Variants in EPB41L1 observed in about 807,000 individuals in gnomAD.
The protein encoded by EPB41L1 is band 4.1-like protein 1.
EPB41L1 carries 29 observed loss-of-function variants against 97.8 expected under a neutral mutation model. That is an observed-to-expected ratio of 0.30 (90% CI 0.22 to 0.40). The LOEUF (loss-of-function observed/expected upper bound fraction) is 0.40, where lower values mean the gene tolerates loss of function less well. Ranked by LOEUF, EPB41L1 falls within the 10% of genes least tolerant of loss-of-function variation. The pLI, the probability that EPB41L1 is intolerant of heterozygous loss-of-function variation, is 1.00. For synonymous variants in EPB41L1, 383 were observed against 459.2 expected (o/e 0.83, Z 2.12); for missense variants, 812 against 1,162.3 (o/e 0.70, Z 4.38).
intron 8 of EPB41L1, among the ~76,000 whole-genome samples, chr20:36,187,979 A>G (rs1236850295): frequency 6.6e-6 from 1 of 152,218 alleles, no homozygotes; most frequent in Non-Finnish European, 1.5e-5. Context: ...TGTTTGAGCC[A>G]CTGCTAGATT....
chr20:36,169,168 A>G (rs1364087411), intron 1 of EPB41L1, among the ~76,000 whole-genome samples: 2 of 150,916 alleles, frequency 1.3e-5, no homozygotes, highest in African/African-American at 4.9e-5. Context: ...CAGAGGTTGC[A>G]GTGAGCTGAG....
Position 36,185,148 on chromosome 20 carries a change from A to G in EPB41L1, c.598A>G (p.Ile200Val). 1 of 1,612,718 alleles carries G rather than the reference A, an allele frequency of 6.2e-7. No homozygotes were observed. The highest frequency in any genetic ancestry group is 2.2e-5 in the East Asian group (1 of 44,886). ...YYLCLQLRAD[I>V]ITGRLPCSFV... ...CCTGTGCCTGCAGCTGCGGGCAGACATCATCACGGGCCGGCTGCCATGCTC... is the reference window on the plus strand; with the variant it reads ...CCTGTGCCTGCAGCTGCGGGCAGACGTCATCACGGGCCGGCTGCCATGCTC... Residue 200 changes from isoleucine (I) to valine (V), a missense_variant, in exon 7 of 22, where the codon ATC (isoleucine) becomes GTC (valine). This residue lies in a region of EPB41L1 where 230 missense variants were observed against 445.2 expected (regional missense o/e 0.52). Coordinates refer to ENST00000338074, the MANE Select transcript of EPB41L1 (RefSeq NM_012156.2).
chr20:36,197,205 C>T (rs2062249213), intron 13 of EPB41L1, among the ~76,000 whole-genome samples: 1 of 152,050 alleles, frequency 6.6e-6, no homozygotes, highest in Admixed American at 6.5e-5. Context: ...TGCCCCTGGT[C>T]CCTAGTGTGG....
intron 14 of EPB41L1, among the ~76,000 whole-genome samples, chr20:36,199,559 G>A (rs1221647551): frequency 3.3e-5 from 5 of 152,214 alleles, no homozygotes; most frequent in Non-Finnish European, 7.3e-5. Context: ...GTGGCTTTCT[G>A]GTTTGTGAGT....
At chr20:36,144,001 C>T (rs749868996) in intron 2 of EPB41L1, among the ~76,000 whole-genome samples, 6 of 152,010 alleles carry the variant, frequency 3.9e-5, no homozygotes, top group East Asian at 3.9e-4. Flanking sequence ...TACAGGCGCA[C>T]GCCACCATCC....
chr20:36,099,451 C>T lies in EPB41L1; in HGVS notation c.-65+7839C>T, dbSNP rs183960270. ...GCGATCCCAGGAGATAATGAGAAAGCTCTTTGTAAATTGCTTAAGGGCTTG... is the reference window on the plus strand; with the variant it reads ...GCGATCCCAGGAGATAATGAGAAAGTTCTTTGTAAATTGCTTAAGGGCTTG... On this transcript the variant is annotated intron_variant, in intron 1 of 19. Transcript: ENST00000202028. 6.6e-4 allele frequency among the ~76,000 whole-genome samples: 101 copies of T among 152,304 alleles called. No individual in the cohort carries two copies. The East Asian group carries it at 0.017, about 26-fold the overall frequency.
chr20:36,193,887 G>A (rs1231680599), intron 11 of EPB41L1, among the ~76,000 whole-genome samples: 3 of 152,146 alleles, frequency 2.0e-5, no homozygotes, highest in South Asian at 4.2e-4. Context: ...GCTTTCTAAA[G>A]CAGGCACTGC....
intron 2 of EPB41L1, among the ~76,000 whole-genome samples, chr20:36,132,572 G>GGC (rs11473437): frequency 0.22 from 28,190 of 127,252 alleles, 4,396 homozygotes; most frequent in African/African-American, 0.33. Flanking sequence ...GTGGGCGGGG[G>GGC]GGGGGGGCGC....
intron 1 of EPB41L1, among the ~76,000 whole-genome samples, chr20:36,159,886 G>A (rs6058423): frequency 0.46 from 69,715 of 152,084 alleles, 21,058 homozygotes; most frequent in African/African-American, 0.87. Context: ...CAAAGCCCCA[G>A]TTTGCCCAGC....
chr20:36,149,835 T>G (rs1340454143), upstream of EPB41L1: 1 of 152,402 alleles, frequency 6.6e-6, no homozygotes, highest in African/African-American at 2.4e-5. Flanking sequence ...TTAACCCAGC[T>G]TGGCTTAGTG....
chr20:36,163,769 A>T lies in EPB41L1; in HGVS notation c.-15+8873A>T, dbSNP rs567433029. ...GCAGGGAGCTGTCGCAGAGGGGCTC[A>T]GCCACCACCAGGACCACAGAGAGAG... On this transcript the variant is annotated intron_variant, in intron 1 of 21. Coordinates refer to ENST00000338074, the MANE Select transcript of EPB41L1 (RefSeq NM_012156.2). Among the ~76,000 whole-genome samples the T allele has an allele frequency of 2.6e-5, 4 of 152,302 alleles. No individual in the cohort carries two copies. The East Asian group carries it at 5.8e-4, about 22-fold the overall frequency.
intron 2 of EPB41L1, among the ~76,000 whole-genome samples, chr20:36,129,758 T>C (rs1438732576): frequency 6.6e-6 from 1 of 152,110 alleles, no homozygotes; most frequent in Non-Finnish European, 1.5e-5. Context: ...AAAAATTCAA[T>C]TTATTCATTT....
intron 11 of EPB41L1, among the ~76,000 whole-genome samples, chr20:36,191,447 G>A (rs1382393115): frequency 3.3e-5 from 5 of 152,116 alleles, no homozygotes; most frequent in Non-Finnish European, 5.9e-5. Flanking sequence ...CAAGCAGATA[G>A]GGCTTAAAAT....
At chr20:36,204,605 C>T (rs984822784) in intron 14 of EPB41L1, among the ~76,000 whole-genome samples, 1 of 151,742 alleles carries the variant, frequency 6.6e-6, no homozygotes, top group African/African-American at 2.4e-5. Flanking sequence ...CTGCCTCAGC[C>T]TCCCAAAGTG....
chr20:36,231,969 T>C lies in EPB41L1; in HGVS notation c.*2629T>C, dbSNP rs2064508137. ...CACTGAACACACCTCAGAGGGAGGA[T>C]CCTTGTTGTGGATTTTGCACCTGGC... is the stretch of plus-strand genomic sequence containing the variant. On this transcript the variant is annotated 3_prime_UTR_variant, in exon 22 of 22. Transcript: ENST00000338074. 6.5e-6 allele frequency: 1 copy of C among 152,874 alleles called. No homozygotes were observed. The highest frequency in any genetic ancestry group is 2.1e-4 in the South Asian group (1 of 4,814). The allele number at this position is 152,874 out of a possible 1,614,324, so 9.5% of individuals were successfully genotyped here.
At chr20:36,188,633 CACACACACAGAGAGAGAG>C (rs1244764054) in intron 9 of EPB41L1, 134 bp downstream of exon 9, 16 of 587,476 alleles carry the variant, frequency 2.7e-5, no homozygotes, top group Middle Eastern at 5.3e-4. Flanking sequence ...CACACACACA[CACACACACAGAGAGAGAG>C]AGAGAGAGAG....
intron 7 of EPB41L1, among the ~76,000 whole-genome samples, chr20:36,185,630 C>T (rs1207089858): frequency 2.0e-5 from 3 of 152,188 alleles, no homozygotes; most frequent in South Asian, 4.1e-4. Context: ...AGAAAATAAT[C>T]GCTACTGTGT....
intron 2 of EPB41L1, among the ~76,000 whole-genome samples, chr20:36,144,643 G>A (rs1160045964): frequency 6.6e-6 from 1 of 152,212 alleles, no homozygotes; most frequent in Non-Finnish European, 1.5e-5. Context: ...TGGAGGACAG[G>A]AAATAGAATG....
At chr20:36,168,246 C>A (rs1298065074) in intron 1 of EPB41L1, among the ~76,000 whole-genome samples, 1 of 152,248 alleles carries the variant, frequency 6.6e-6, no homozygotes, top group Non-Finnish European at 1.5e-5. Context: ...CCTGGCCTCA[C>A]TGGGTCCCTT....
Sources: allele counts gnomAD v4.1 joint callset (sites outside exome capture counted in the v4.1 genomes callset), GRCh38; gene constraint gnomAD v4.1.1; regional missense constraint gnomAD v4.1.1; transcripts MANE v1.5; gene names NCBI Gene and HGNC (gene_info 2026-07-23, HGNC 2026-07-21).